Variants in GRIK2 observed in about 807,000 individuals in gnomAD.
GRIK2 encodes glutamate receptor ionotropic, kainate 2.
GRIK2 carries 32 observed loss-of-function variants against 100.3 expected under a neutral mutation model. The observed-to-expected ratio is 0.32, with a 90% confidence interval of 0.24 to 0.43. The LOEUF (loss-of-function observed/expected upper bound fraction) is 0.43, where lower values mean the gene tolerates loss of function less well. GRIK2 is among the 20% of genes least tolerant of loss of function. The pLI is 1.00. For missense variants in GRIK2, 843 were observed against 1,114.9 expected (o/e 0.76, Z 3.47); for synonymous variants, 417 against 389.4 (o/e 1.07, Z -0.83).
chr6:101,795,392 G>A (rs1381648615), intron 7 of GRIK2, among the ~76,000 whole-genome samples: 2 of 152,108 alleles, frequency 1.3e-5, no homozygotes, highest in Non-Finnish European at 2.9e-5. Context: ...GGAGTGCCAG[G>A]TAGTTCAGTC....
intron 7 of GRIK2, among the ~76,000 whole-genome samples, chr6:101,795,130 G>C (rs1005656200): frequency 6.6e-6 from 1 of 152,060 alleles, no homozygotes; most frequent in Non-Finnish European, 1.5e-5. Flanking sequence ...GCCTCCCAAA[G>C]TGTTGGAATT....
At chr6:101,650,663 C>A (rs573482382) in intron 4 of GRIK2, among the ~76,000 whole-genome samples, 4 of 152,238 alleles carry the variant, frequency 2.6e-5, no homozygotes, top group Non-Finnish European at 5.9e-5. Flanking sequence ...AATAATCACT[C>A]CTAAGTGGCC....
At chr6:101,403,279 C>T (rs117699663) in intron 2 of GRIK2, among the ~76,000 whole-genome samples, 1 of 152,328 alleles carries the variant, frequency 6.6e-6, no homozygotes, top group Non-Finnish European at 1.5e-5. Context: ...GGTTTCCTTG[C>T]CGAATTGCTG....
chr6:101,862,827 C>A (rs944383107), intron 11 of GRIK2, among the ~76,000 whole-genome samples: 1 of 151,956 alleles, frequency 6.6e-6, no homozygotes, highest in Non-Finnish European at 1.5e-5. Context: ...TGGAAGCAAA[C>A]AATCTATTTT....
At chr6:101,493,815 A>G (rs1449567703) in intron 2 of GRIK2, among the ~76,000 whole-genome samples, 1 of 150,702 alleles carries the variant, frequency 6.6e-6, no homozygotes, top group Non-Finnish European at 1.5e-5. Flanking sequence ...CCTTTTACCA[A>G]ATATAAAATG....
intron 14 of GRIK2, among the ~76,000 whole-genome samples, chr6:101,938,102 T>C (rs941488827): frequency 6.6e-6 from 1 of 152,044 alleles, no homozygotes; most frequent in African/African-American, 2.4e-5. Context: ...TAAGAGCTGA[T>C]TGAAGATACC....
At chr6:101,504,414 T>C (rs1267511177) in intron 2 of GRIK2, among the ~76,000 whole-genome samples, 1 of 152,034 alleles carries the variant, frequency 6.6e-6, no homozygotes, top group African/African-American at 2.4e-5. Flanking sequence ...TAATTTAGAT[T>C]TTAACACCAT....
chr6:102,031,805 C>CT (rs945947949), intron 14 of GRIK2, among the ~76,000 whole-genome samples: 13 of 151,192 alleles, frequency 8.6e-5, no homozygotes, highest in Admixed American at 1.3e-4. Context: ...TGATTTTGTT[C>CT]TTTTTTATGA....
At chr6:101,897,412 A>G (rs994443007) in intron 12 of GRIK2, among the ~76,000 whole-genome samples, 1 of 151,678 alleles carries the variant, frequency 6.6e-6, no homozygotes, top group African/African-American at 2.4e-5. Flanking sequence ...AATTGCTTGT[A>G]AGAATACACC....
At chr6:101,835,563 C>T (rs945465289) in intron 10 of GRIK2, among the ~76,000 whole-genome samples, 19 of 149,240 alleles carry the variant, frequency 1.3e-4, no homozygotes, top group African/African-American at 4.5e-4. Flanking sequence ...TTCCATCCCC[C>T]GGGTTCAAGT....
At chr6:101,414,450 T>C (rs1478255476) in intron 2 of GRIK2, among the ~76,000 whole-genome samples, 1 of 152,196 alleles carries the variant, frequency 6.6e-6, no homozygotes, top group Non-Finnish European at 1.5e-5. Context: ...GTTACTGTAT[T>C]TGTCAGGATG....
At chr6:101,737,568 A>G (rs533699186) in intron 7 of GRIK2, among the ~76,000 whole-genome samples, 66 of 152,256 alleles carry the variant, frequency 4.3e-4, no homozygotes, top group Non-Finnish European at 6.6e-4. Context: ...ACTCGCCCCA[A>G]TGATTTGATG....
At chr6:101,522,993 G>A (rs144098514) in intron 2 of GRIK2, among the ~76,000 whole-genome samples, 56 of 151,816 alleles carry the variant, frequency 3.7e-4, no homozygotes, top group African/African-American at 1.3e-3. Flanking sequence ...TCCAGTTAGA[G>A]TGCTAAATGC....
At chr6:101,495,922 T>C (rs571526455) in intron 2 of GRIK2, among the ~76,000 whole-genome samples, 132 of 152,234 alleles carry the variant, frequency 8.7e-4, no homozygotes, top group Non-Finnish European at 1.5e-3. Context: ...GGATGTGTGC[T>C]GGTATTTTAC....
chr6:101,703,927 CATTTT>C (rs1028998570), intron 7 of GRIK2, among the ~76,000 whole-genome samples: 2 of 151,402 alleles, frequency 1.3e-5, no homozygotes, highest in Non-Finnish European at 3.0e-5. Flanking sequence ...TCATTTTCTC[CATTTT>C]ATTAGTGAAA....
chr6:101,555,331 G>A lies in GRIK2; in HGVS notation c.116-66618G>A, dbSNP rs374991188. 1.6e-4 allele frequency among the ~76,000 whole-genome samples: 25 copies of A among 152,268 alleles called. No homozygotes were observed. The East Asian group carries it at 3.1e-3, about 19-fold the overall frequency. On this transcript the variant is annotated intron_variant, in intron 2 of 16. Transcript: ENST00000369134. ...ACTTCTCTGTTGTAATTATAGGGTC[G>A]TTGGGAAGGTTAGTGGACCTTATCC...
intron 9 of GRIK2, among the ~76,000 whole-genome samples, chr6:101,807,688 TTCTC>T (rs1444606111): frequency 6.6e-6 from 1 of 151,884 alleles, no homozygotes; most frequent in Non-Finnish European, 1.5e-5. Context: ...ACATTTGACT[TTCTC>T]TGGCTGGTTC....
chr6:101,757,507 G>T (rs946645055), intron 7 of GRIK2, among the ~76,000 whole-genome samples: 1 of 152,030 alleles, frequency 6.6e-6, no homozygotes, highest in Non-Finnish European at 1.5e-5. Context: ...GTTTACAGTG[G>T]GAATACATTT....
intron 2 of GRIK2, among the ~76,000 whole-genome samples, chr6:101,485,098 A>C (rs1249930730): frequency 6.6e-6 from 1 of 152,208 alleles, no homozygotes; most frequent in Non-Finnish European, 1.5e-5. Context: ...CATTTGCTTC[A>C]GCAAACGGAA....
Sources: allele counts gnomAD v4.1 joint callset (sites outside exome capture counted in the v4.1 genomes callset), GRCh38; gene constraint gnomAD v4.1.1; transcripts MANE v1.5; gene names NCBI Gene and HGNC (gene_info 2026-07-23, HGNC 2026-07-21).